Variants in AXDND1 observed in about 807,000 individuals in gnomAD.
AXDND1 encodes the protein axonemal dynein light chain domain-containing protein 1.
A neutral mutation model predicts 137.5 loss-of-function variants in AXDND1; 110 were observed. The ratio of observed to expected loss-of-function variants is 0.80; its 90% CI spans 0.69 to 0.94. AXDND1 has a LOEUF of 0.94. Ranked by LOEUF, AXDND1 falls within the 40% of genes least tolerant of loss-of-function variation. The pLI, the probability that AXDND1 is intolerant of heterozygous loss-of-function variation, is 0.00. For missense variants in AXDND1, 1,191 were observed against 1,169.8 expected (o/e 1.02, Z -0.26); for synonymous variants, 414 against 399.7 (o/e 1.04, Z -0.43).
intron 17 of AXDND1, 191 bp downstream of exon 17, chr1:179,468,832 G>A (rs1382933137): frequency 5.0e-6 from 2 of 396,774 alleles, no homozygotes; most frequent in African/African-American, 2.1e-5. Context: ...ATGCACTTTA[G>A]CTATCATTCT....
intron 6 of AXDND1, among the ~76,000 whole-genome samples, chr1:179,379,740 G>A (rs191299571): frequency 1.4e-5 from 2 of 143,872 alleles, no homozygotes; most frequent in African/African-American, 5.2e-5. Flanking sequence ...AGGTTGCAGT[G>A]AGCCAAGATT....
chr1:179,476,182 G>A (rs946561619), intron 17 of AXDND1, among the ~76,000 whole-genome samples: 1 of 152,006 alleles, frequency 6.6e-6, no homozygotes, highest in Admixed American at 6.6e-5. Flanking sequence ...TAGAATTGGT[G>A]TAATACAATA....
At chr1:179,419,105 C>T (rs1394975894) in intron 12 of AXDND1, among the ~76,000 whole-genome samples, 10 of 150,094 alleles carry the variant, frequency 6.7e-5, no homozygotes, top group Admixed American at 1.3e-4. Flanking sequence ...GGATGGCGGC[C>T]GGGCAGAGAC....
In AXDND1 at chr1:179,382,908, G is replaced by A. The variant is rs148308382; in HGVS notation, c.638+152G>A. On this transcript the variant is annotated intron_variant, in intron 7 of 25. Transcript: ENST00000367618. The stretch of plus-strand genomic sequence containing the variant: ...AGTTCATCATCTAATCAGTGTTTTC[G>A]TTTTTACAATTGTATATTCAATGTT... 1,237 of 522,360 alleles carry A rather than the reference G, an allele frequency of 2.4e-3. 11 individuals are homozygous for A. Among genetic ancestry groups the A allele is most frequent in the African/African-American group, 0.022 (1,109 of 51,006 alleles). 32.4% of individuals were successfully genotyped at this position (522,360 alleles called of 1,614,324 possible).
intron 16 of AXDND1, among the ~76,000 whole-genome samples, chr1:179,462,411 G>A (rs1662470116): frequency 1.3e-5 from 2 of 152,138 alleles, no homozygotes; most frequent in Admixed American, 6.5e-5. Flanking sequence ...TCATCGTGGT[G>A]GATAAGCTTT....
chr1:179,459,907 CTTTT>C (rs941376821), intron 16 of AXDND1, among the ~76,000 whole-genome samples: 35 of 116,074 alleles, frequency 3.0e-4, no homozygotes, highest in African/African-American at 1.1e-3. Flanking sequence ...TCTTTCATTC[CTTTT>C]CTTTCTCTCT....
At chr1:179,468,878 G>A (rs906205480) in intron 17 of AXDND1, among the ~76,000 whole-genome samples, 2 of 151,662 alleles carry the variant, frequency 1.3e-5, no homozygotes, top group Non-Finnish European at 2.9e-5. Context: ...CCTACCCCCA[G>A]CCCTAAGCAA....
chr1:179,494,392 G>A (rs1667238989), intron 20 of AXDND1, among the ~76,000 whole-genome samples: 1 of 151,962 alleles, frequency 6.6e-6, no homozygotes, highest in Non-Finnish European at 1.5e-5. Flanking sequence ...TATTTTCTGT[G>A]GTGTAATGTC....
At chr1:179,449,065 T>A in intron 16 of AXDND1, 1 of 427,486 alleles carries the variant, frequency 2.3e-6, no homozygotes, top group South Asian at 1.7e-5. Flanking sequence ...TTTTTATTTT[T>A]TGTAGAGACA....
At chr1:179,381,633 T>C (rs1288321859) in intron 6 of AXDND1, among the ~76,000 whole-genome samples, 1 of 152,004 alleles carries the variant, frequency 6.6e-6, no homozygotes, top group African/African-American at 2.4e-5. Context: ...TGTGAGCCAC[T>C]GCACCTGGCC....
chr1:179,467,581 A>C (rs536298446), intron 16 of AXDND1, among the ~76,000 whole-genome samples: 1 of 152,310 alleles, frequency 6.6e-6, no homozygotes, highest in East Asian at 1.9e-4. Context: ...TTGAGAATCC[A>C]TGGATTTTGG....
chr1:179,421,333 C>T (rs1384387581), intron 12 of AXDND1, among the ~76,000 whole-genome samples: 1 of 144,214 alleles, frequency 6.9e-6, no homozygotes, highest in Admixed American at 6.8e-5. Context: ...TTCCTTCCTT[C>T]CTTTCTTCCT....
intron 16 of AXDND1, among the ~76,000 whole-genome samples, chr1:179,458,785 A>G (rs554413935): frequency 6.6e-5 from 10 of 152,180 alleles, no homozygotes; most frequent in African/African-American, 2.4e-4. Context: ...ACCAATAGTA[A>G]TACCATGAAT....
At chr1:179,419,568 A>C (rs866759351) in intron 12 of AXDND1, among the ~76,000 whole-genome samples, 10 of 144,860 alleles carry the variant, frequency 6.9e-5, no homozygotes, top group South Asian at 2.4e-4. Flanking sequence ...GCAGCAGTAC[A>C]GTCCAGCTTC....
intron 16 of AXDND1, chr1:179,448,517 A>T (rs548424456): frequency 8.4e-6 from 3 of 356,864 alleles, no homozygotes; most frequent in African/African-American, 6.5e-5. Context: ...ACCGTAATGC[A>T]TCGTACAGCT....
intron 20 of AXDND1, among the ~76,000 whole-genome samples, chr1:179,508,024 G>T (rs1417201093): frequency 6.6e-6 from 1 of 152,136 alleles, no homozygotes; most frequent in African/African-American, 2.4e-5. Context: ...ATTTAGATTT[G>T]ATTTCTAAAA....
At chr1:179,508,011 T>G (rs1351415326) in intron 20 of AXDND1, among the ~76,000 whole-genome samples, 1 of 152,208 alleles carries the variant, frequency 6.6e-6, no homozygotes, top group African/African-American at 2.4e-5. Flanking sequence ...CTACAACATA[T>G]GGATTTAGAT....
chr1:179,475,158 G>A (rs1664454423), intron 17 of AXDND1, among the ~76,000 whole-genome samples: 1 of 152,240 alleles, frequency 6.6e-6, no homozygotes, highest in East Asian at 1.9e-4. Flanking sequence ...CAGAGGTATA[G>A]CCCTCATGGA....
At chr1:179,423,011 A>G (rs1274668856) in intron 12 of AXDND1, among the ~76,000 whole-genome samples, 1 of 151,876 alleles carries the variant, frequency 6.6e-6, no homozygotes, top group African/African-American at 2.4e-5. Context: ...TGATCCGCCC[A>G]CCTTAGTCTC....
Sources: gnomAD v4.1 joint callset for allele counts (sites outside exome capture counted in the v4.1 genomes callset) on GRCh38, gnomAD v4.1.1 for gene constraint, MANE v1.5 for transcripts, NCBI Gene and HGNC (gene_info 2026-07-23, HGNC 2026-07-21) for gene names.